The following OR9Q2 variants were observed in gnomAD, a reference collection of about 807,000 sequenced individuals.
The protein encoded by OR9Q2 is olfactory receptor family 9 subfamily Q member 2, also known as olfactory receptor 9Q2.
Under a neutral mutation model 2.3 loss-of-function variants are expected in OR9Q2, and 2 were observed. The ratio of observed to expected loss-of-function variants is 0.85; its 90% CI spans 0.35 to 2.68. The LOEUF is 2.68. Ranked by LOEUF, OR9Q2 falls within the 30% of genes most tolerant of loss-of-function variation. OR9Q2 has a pLI of 0.10. For missense variants in OR9Q2, 404 were observed against 395.7 expected (o/e 1.02, Z -0.18); for synonymous variants, 178 against 158.6 (o/e 1.12, Z -0.92).
Position 58,192,127 on chromosome 11 carries a change from A to C in OR9Q2, c.*692A>C, listed in dbSNP as rs1258559839. The stretch of plus-strand genomic sequence containing the variant: ...AATAACAATGAGGAAAATAATAATA[A>C]TAATAATAATAATAATAATAGCAAG... On this transcript the variant is annotated 3_prime_UTR_variant, in exon 2 of 2. Transcript: ENST00000641291. 2 of 149,556 alleles carry C rather than the reference A, an allele frequency of 1.3e-5. No individual in the cohort carries two copies. Among genetic ancestry groups the C allele is most frequent in the Non-Finnish European group, 3.0e-5 (2 of 67,492 alleles). The allele number at this position is 149,556 out of a possible 1,614,324, so 9.3% of individuals were successfully genotyped here.
Position 58,193,601 on chromosome 11 carries a change from T to G in OR9Q2, c.*2166T>G, listed in dbSNP as rs1854784114. On this transcript the variant is annotated 3_prime_UTR_variant, in exon 2 of 2. Transcript: ENST00000641291. ...AAAGTACATACTCTTATCTGATAAC[T>G]GCCCTTCTGCACTCTTTCTTCTCCT... The G allele has an allele frequency of 6.6e-6, 1 of 152,208 alleles. No individual in the cohort carries two copies. The highest frequency in any genetic ancestry group is 2.1e-4 in the South Asian group (1 of 4,832). The allele number at this position is 152,208 out of a possible 1,614,324, so 9.4% of individuals were successfully genotyped here.
chr11:58,190,421 T>C lies in OR9Q2; in HGVS notation c.-70T>C, dbSNP rs1026979482. 1.9e-5 allele frequency: 20 copies of C among 1,029,052 alleles called. No individual in the cohort carries two copies. In the Middle Eastern group the frequency reaches 1.1e-3, roughly 55 times the overall value. The allele number at this position is 1,029,052 out of a possible 1,614,324, so 63.7% of individuals were successfully genotyped here. A position where few individuals can be genotyped will look rare whatever the true frequency, so the allele number is the denominator to read the frequency against. On this transcript the variant is annotated 5_prime_UTR_variant, in exon 2 of 2. Coordinates refer to ENST00000641291, the MANE Select transcript of OR9Q2 (RefSeq NM_001005283.3). ...TTTAAAGCTTTGTTACTTGAAATCATTTGAACTCCTCTTGAGCTGTCCCCT... is the reference window on the plus strand; with the variant it reads ...TTTAAAGCTTTGTTACTTGAAATCACTTGAACTCCTCTTGAGCTGTCCCCT...
Position 58,191,469 on chromosome 11 carries a change from TC to T in OR9Q2, c.*38del, listed in dbSNP as rs776125816. 20 of 1,428,042 alleles carry T rather than the reference TC, an allele frequency of 1.4e-5. No homozygotes were observed. In the African/African-American group the frequency reaches 2.7e-4, roughly 19 times the overall value. The allele number at this position is 1,428,042 out of a possible 1,614,324, so 88.5% of individuals were successfully genotyped here. Reference sequence around the variant, plus strand: ...TTGTGAAATATATCATTCCTTAGTTTCCCCATCTTTTCTGTCTTTTCTCAAT... The same window carrying T: ...TTGTGAAATATATCATTCCTTAGTTTCCCATCTTTTCTGTCTTTTCTCAAT... On this transcript the variant is annotated 3_prime_UTR_variant, in exon 2 of 2. Coordinates refer to ENST00000641291, the MANE Select transcript of OR9Q2 (RefSeq NM_001005283.3).
rs1264976079 is a variant in OR9Q2 at position 58,191,957 on chromosome 11, A to G, written c.*522A>G. ...CAGTGCATTGCCCAACACAATAAATACTTGATGAGTGAAGCAAGAATATTT... is the reference window on the plus strand; with the variant it reads ...CAGTGCATTGCCCAACACAATAAATGCTTGATGAGTGAAGCAAGAATATTT... On this transcript the variant is annotated 3_prime_UTR_variant, in exon 2 of 2. Coordinates refer to ENST00000641291, the MANE Select transcript of OR9Q2 (RefSeq NM_001005283.3). The G allele has an allele frequency of 6.6e-6, 1 of 152,276 alleles. No homozygotes were observed. Among genetic ancestry groups the G allele is most frequent in the Non-Finnish European group, 1.5e-5 (1 of 68,088 alleles). 9.4% of individuals were successfully genotyped at this position (152,276 alleles called of 1,614,324 possible). A position where few individuals can be genotyped will look rare whatever the true frequency, so the allele number is the denominator to read the frequency against.
rs1452466220 is a variant in OR9Q2, at chr11:58,189,082, C to A, written c.-199C>A. On this transcript the variant is annotated 5_prime_UTR_variant, in exon 1 of 2. It adds an upstream start codon to the 5' untranslated region. Transcript: ENST00000641291. ...TAGATTGGAAGCTCAGGGAGAAAGG[C>A]TGGTCCCCTAGTCTTGTTATCTCAA... 6.6e-6 allele frequency: 1 copy of A among 152,180 alleles called. No individual in the cohort carries two copies. The highest frequency in any genetic ancestry group is 1.5e-5 in the Non-Finnish European group (1 of 68,052). 9.4% of individuals were successfully genotyped at this position (152,180 alleles called of 1,614,324 possible).
At chr11:58,189,883 C>A (rs1488372364) in intron 1 of OR9Q2, among the ~76,000 whole-genome samples, 1 of 152,174 alleles carries the variant, frequency 6.6e-6, no homozygotes, top group Non-Finnish European at 1.5e-5. Context: ...ATTAGGATAA[C>A]AGCTGTTTGT....
At position 58,191,177 on chromosome 11, in the gene OR9Q2, C is replaced by G; in HGVS notation, c.687C>G (p.His229Gln). 6.2e-7 allele frequency: 1 copy of G among 1,614,154 alleles called. No homozygotes were observed. The highest frequency in any genetic ancestry group is 8.5e-7 in the Non-Finnish European group (1 of 1,180,018). ...LFIIVAILQI[H>Q]SAGGRAKTFS... is the part of the protein sequence containing the mutation. Reference sequence around the variant, plus strand: ...TCATTGTGGCCATCCTGCAGATCCACTCTGCTGGAGGCCGGGCCAAGACCT... The same window carrying G: ...TCATTGTGGCCATCCTGCAGATCCAGTCTGCTGGAGGCCGGGCCAAGACCT... Residue 229 changes from histidine (H) to glutamine (Q), a missense_variant, in exon 2 of 2, where the codon CAC becomes CAG. Coordinates refer to ENST00000641291, the MANE Select transcript of OR9Q2 (RefSeq NM_001005283.3).
chr11:58,190,935 T>A lies in OR9Q2; in HGVS notation c.445T>A (p.Tyr149Asn). Residue 149 changes from tyrosine to asparagine, a missense_variant, in exon 2 of 2, where the codon TAC becomes AAC. Tyr to Asn is a moderately radical substitution (Grantham distance 143). Coordinates refer to ENST00000641291, the MANE Select transcript of OR9Q2 (RefSeq NM_001005283.3). The stretch of plus-strand genomic sequence containing the variant: ...CCGCTGGGGCCTAGTCACTGGGGCT[T>A]ACGTTGCTGGTTTTTTCAGTGCCTT... ...KARWGLVTGA[Y>N]VAGFFSAFVR... 3.7e-6 allele frequency: 6 copies of A among 1,614,208 alleles called. No individual in the cohort carries two copies. Among genetic ancestry groups the A allele is most frequent in the Non-Finnish European group, 5.1e-6 (6 of 1,180,046 alleles).
rs751860372 is a variant in OR9Q2 at position 58,190,647 on chromosome 11, C to T, written c.157C>T (p.Arg53Cys). The change falls in exon 2 of 2, where the codon CGT becomes TGT. Residue 53 changes from arginine to cysteine, a missense_variant. By Grantham distance (180) the Arg-to-Cys change is radical. Transcript: ENST00000641291. ...CATGATCCTCCTGATCCGTGGCGAT[C>T]GTCGGCTCCACACCCCGATGTACTT... ...TGMILLIRGD[R>C]RLHTPMYFFL... 4.3e-6 allele frequency: 7 copies of T among 1,614,062 alleles called. No individual in the cohort carries two copies. The highest frequency in any genetic ancestry group is 2.2e-5 in the East Asian group (1 of 44,872).
At chr11:58,189,842 A>G (rs1453394741) in intron 1 of OR9Q2, among the ~76,000 whole-genome samples, 2 of 152,162 alleles carry the variant, frequency 1.3e-5, no homozygotes, top group Admixed American at 1.3e-4. Context: ...ATGTGTGTGT[A>G]TACACACCCT....
Position 58,191,403 on chromosome 11 carries a change from C to G in OR9Q2, c.913C>G (p.Leu305Val). The change falls in exon 2 of 2, where the codon CTG becomes GTG. Residue 305 changes from leucine to valine, a missense_variant. Coordinates refer to ENST00000641291, the MANE Select transcript of OR9Q2 (RefSeq NM_001005283.3). The part of the protein sequence containing the change: ...KEVKEATRKA[L>V]SKSKPARRP ...GGTAAAAGAGGCCACTAGGAAAGCCCTGAGCAAATCAAAGCCTGCTAGAAG... is the reference window on the plus strand; with the variant it reads ...GGTAAAAGAGGCCACTAGGAAAGCCGTGAGCAAATCAAAGCCTGCTAGAAG... 6.2e-7 allele frequency: 1 copy of G among 1,608,002 alleles called. No homozygotes were observed. The highest frequency in any genetic ancestry group is 8.5e-7 in the Non-Finnish European group (1 of 1,176,884).
Position 58,191,069 on chromosome 11 carries a change from C to T in OR9Q2, c.579C>T (p.Tyr193=), listed in dbSNP as rs1427113377. 1.2e-6 allele frequency: 2 copies of T among 1,614,068 alleles called. No homozygotes were observed. Among genetic ancestry groups the T allele is most frequent in the East Asian group, 2.2e-5 (1 of 44,892 alleles). Residue 193 remains tyrosine, a synonymous_variant, in exon 2 of 2, where the codon TAC becomes TAT. Transcript: ENST00000641291. ...PLLKLSCGDS[Y]TQEVVIIVFA... is the part of the protein sequence containing the mutation. ...TAAAACTCTCCTGTGGGGACAGCTACACTCAGGAAGTGGTGATTATTGTGT... is the reference window on the plus strand; with the variant it reads ...TAAAACTCTCCTGTGGGGACAGCTATACTCAGGAAGTGGTGATTATTGTGT...
In OR9Q2 at chr11:58,190,517, G is replaced by A. The variant is rs980204925; in HGVS notation, c.27G>A (p.Val9=). 1 of 1,613,696 alleles carries A rather than the reference G, an allele frequency of 6.2e-7. No homozygotes were observed. The highest frequency in any genetic ancestry group is 8.5e-7 in the Non-Finnish European group (1 of 1,179,718). MAERNYTV[V]TEFFLTAFTE... Reference sequence around the variant, plus strand: ...TGGCTGAAAGGAATTACACCGTAGTGACGGAGTTCTTCCTTACTGCATTTA... The same window carrying A: ...TGGCTGAAAGGAATTACACCGTAGTAACGGAGTTCTTCCTTACTGCATTTA... Residue 9 remains valine, a synonymous_variant, in exon 2 of 2, where the codon GTG becomes GTA. Coordinates refer to ENST00000641291, the MANE Select transcript of OR9Q2 (RefSeq NM_001005283.3).
chr11:58,190,135 A>C (rs1175117706), intron 1 of OR9Q2, among the ~76,000 whole-genome samples, 184 bp from the exon 2 acceptor site: 1 of 152,156 alleles, frequency 6.6e-6, no homozygotes, highest in Non-Finnish European at 1.5e-5. Context: ...CAGGGCAAGC[A>C]TTATGATCCT....
Position 58,191,339 on chromosome 11 carries a change from A to G in OR9Q2, c.849A>G (p.Pro283=). The change falls in exon 2 of 2, where the codon CCA becomes CCG. Residue 283 remains proline, a synonymous_variant. Coordinates refer to ENST00000641291, the MANE Select transcript of OR9Q2 (RefSeq NM_001005283.3). The stretch of plus-strand genomic sequence containing the variant: ...CTGTGCTCTACACGGTGGTGACCCC[A>G]ATGCTGAATCCCCTTATCTATAGCC... ...VVSVLYTVVT[P]MLNPLIYSLR... The G allele has an allele frequency of 6.2e-7, 1 of 1,614,096 alleles. No individual in the cohort carries two copies. The highest frequency in any genetic ancestry group is 1.1e-5 in the South Asian group (1 of 91,074).
rs560557452 is a variant in OR9Q2 at position 58,190,938 on chromosome 11, G to A, written c.448G>A (p.Val150Ile). Reference sequence around the variant, plus strand: ...CTGGGGCCTAGTCACTGGGGCTTACGTTGCTGGTTTTTTCAGTGCCTTTGT... The same window carrying A: ...CTGGGGCCTAGTCACTGGGGCTTACATTGCTGGTTTTTTCAGTGCCTTTGT... ...ARWGLVTGAY[V>I]AGFFSAFVRT... The change falls in exon 2 of 2, where the codon GTT (valine) becomes ATT (isoleucine). Residue 150 changes from valine to isoleucine, a missense_variant. Val to Ile is a conservative substitution (Grantham distance 29). Coordinates refer to ENST00000641291, the MANE Select transcript of OR9Q2 (RefSeq NM_001005283.3). 3 of 1,614,184 alleles carry A rather than the reference G, an allele frequency of 1.9e-6. No individual in the cohort carries two copies. Among genetic ancestry groups the A allele is most frequent in the Middle Eastern group, 1.6e-4 (1 of 6,062 alleles).
rs1166956581 is a variant in OR9Q2 at position 58,191,521 on chromosome 11, A to C, written c.*86A>C. The C allele has an allele frequency of 2.1e-6, 2 of 957,754 alleles. No individual in the cohort carries two copies. The highest frequency in any genetic ancestry group is 3.1e-6 in the Non-Finnish European group (2 of 647,498). The allele number at this position is 957,754 out of a possible 1,614,324, so 59.3% of individuals were successfully genotyped here. ...AGCACCTTCTGGAGAGACTTTCCTA[A>C]ATAACCCTATGCAAAATCGCACCTG... On this transcript the variant is annotated 3_prime_UTR_variant, in exon 2 of 2. Transcript: ENST00000641291.
In OR9Q2 at chr11:58,191,350, C is replaced by T. The variant is rs1395528157; in HGVS notation, c.860C>T (p.Pro287Leu). The change falls in exon 2 of 2, where the codon CCC becomes CTC. Residue 287 changes from proline to leucine, a missense_variant. Coordinates refer to ENST00000641291, the MANE Select transcript of OR9Q2 (RefSeq NM_001005283.3). ...LYTVVTPMLN[P>L]LIYSLRNKEV... ...ACGGTGGTGACCCCAATGCTGAATC[C>T]CCTTATCTATAGCCTGAGAAACAAG... 2 of 1,613,982 alleles carry T rather than the reference C, an allele frequency of 1.2e-6. No homozygotes were observed. Among genetic ancestry groups the T allele is most frequent in the Non-Finnish European group, 8.5e-7 (1 of 1,180,026 alleles).
Position 58,190,768 on chromosome 11 carries a change from C to T in OR9Q2, c.278C>T (p.Ser93Phe). 6 of 1,614,230 alleles carry T rather than the reference C, an allele frequency of 3.7e-6. No individual in the cohort carries two copies. Among genetic ancestry groups the T allele is most frequent in the Non-Finnish European group, 5.1e-6 (6 of 1,180,040 alleles). Reference protein sequence around the residue: ...AVLWEHGTTISQARCAAQFFL... With the variant: ...AVLWEHGTTIFQARCAAQFFL... ...CTGTGGGAGCACGGCACAACCATCT[C>T]CCAGGCTCGCTGTGCAGCTCAGTTC... The change falls in exon 2 of 2, where the codon TCC (serine) becomes TTC (phenylalanine). Residue 93 changes from serine to phenylalanine, a missense_variant. Physicochemically the swap from Ser to Phe is radical, Grantham distance 155 (BLOSUM62 -2). Transcript: ENST00000641291.
Sources: allele counts gnomAD v4.1 joint callset (sites outside exome capture counted in the v4.1 genomes callset), GRCh38; gene constraint gnomAD v4.1.1; transcripts MANE v1.5; gene names NCBI Gene and HGNC (gene_info 2026-07-23, HGNC 2026-07-21).